The following ADAM10 variants were observed in gnomAD, a reference collection of about 807,000 sequenced individuals.
ADAM10 encodes disintegrin and metalloproteinase domain-containing protein 10.
Under a neutral mutation model 90.1 loss-of-function variants are expected in ADAM10, and 17 were observed. The ratio of observed to expected loss-of-function variants is 0.19; its 90% CI spans 0.13 to 0.28. ADAM10 has a LOEUF of 0.28. ADAM10 is among the 10% of genes least tolerant of loss of function. The probability of loss-of-function intolerance (pLI) is 1.00; values close to 1 mark genes in which losing one functional copy is unlikely to be tolerated. For synonymous variants in ADAM10, 310 were observed against 298.6 expected, an observed-to-expected ratio of 1.04 and a Z score of -0.40; for missense variants, 610 against 914.3, an observed-to-expected ratio of 0.67 and a Z score of 4.29.
chr15:58,623,997 A>AG (rs58870667), intron 10 of ADAM10, among the ~76,000 whole-genome samples: 25,697 of 148,400 alleles, frequency 0.17, 2,978 homozygotes, highest in East Asian at 0.4. Flanking sequence ...AAAAAAAAAA[A>AG]GGGGGGGCCA....
rs114673586 is a variant in ADAM10 at position 58,637,091 on chromosome 15, T to C, written c.1012+3686A>G. 4.0e-3 allele frequency among the ~76,000 whole-genome samples: 610 copies of C among 152,356 alleles called. 4 individuals carry two copies. Among genetic ancestry groups the C allele is most frequent in the African/African-American group, 0.014 (596 of 41,588 alleles). On this transcript the variant is annotated intron_variant, in intron 8 of 15. Coordinates refer to ENST00000260408, the MANE Select transcript of ADAM10 (RefSeq NM_001110.4). ...CATTTGAAGTTATACTTTTAAACTATGGGTTAAGAATTCAATAAGCTGTGG... is the reference window on the plus strand; with the variant it reads ...CATTTGAAGTTATACTTTTAAACTACGGGTTAAGAATTCAATAAGCTGTGG...
chr15:58,673,425 AC>A (rs1897243015), intron 4 of ADAM10, among the ~76,000 whole-genome samples: 1 of 147,970 alleles, frequency 6.8e-6, no homozygotes, highest in African/African-American at 2.5e-5. Flanking sequence ...TTTTTTTGAC[AC>A]TGTAAATGCT....
At chr15:58,746,353 G>T (rs1386783841) in intron 1 of ADAM10, among the ~76,000 whole-genome samples, 10 of 152,254 alleles carry the variant, frequency 6.6e-5, no homozygotes, top group African/African-American at 1.9e-4. Flanking sequence ...CATCCTTGAA[G>T]ATCTTAAACA....
intron 2 of ADAM10, among the ~76,000 whole-genome samples, chr15:58,717,002 CCT>C (rs1332051863): frequency 2.0e-5 from 3 of 152,054 alleles, no homozygotes; most frequent in African/African-American, 7.2e-5. Context: ...AAGCTATTTA[CCT>C]CTGTCTGGAT....
At chr15:58,654,915 G>A (rs892176660) in intron 5 of ADAM10, among the ~76,000 whole-genome samples, 1 of 152,090 alleles carries the variant, frequency 6.6e-6, no homozygotes. Flanking sequence ...CCAAACATAT[G>A]GTCTATTCTT....
intron 5 of ADAM10, among the ~76,000 whole-genome samples, chr15:58,662,159 T>TA (rs1896983186): frequency 6.6e-6 from 1 of 152,218 alleles, no homozygotes; most frequent in South Asian, 2.1e-4. Context: ...TAACTGGACT[T>TA]AGTGTCCTCC....
chr15:58,616,062 T>G (rs1012682220), intron 11 of ADAM10, among the ~76,000 whole-genome samples: 3 of 152,020 alleles, frequency 2.0e-5, no homozygotes, highest in Non-Finnish European at 4.4e-5. Context: ...GATAAAATGT[T>G]CCATTCAGCA....
intron 11 of ADAM10, among the ~76,000 whole-genome samples, 157 bp from the exon 12 acceptor site, chr15:58,612,148 T>G (rs1461172043): frequency 6.6e-6 from 1 of 152,088 alleles, no homozygotes; most frequent in Non-Finnish European, 1.5e-5. Flanking sequence ...GTATACAACT[T>G]CAAAAAACTG....
intron 9 of ADAM10, among the ~76,000 whole-genome samples, chr15:58,629,870 T>C (rs1295629595): frequency 6.6e-6 from 1 of 151,990 alleles, no homozygotes; most frequent in Non-Finnish European, 1.5e-5. Context: ...ACTCAAGTCA[T>C]CCTCCCCGAC....
intron 1 of ADAM10, among the ~76,000 whole-genome samples, chr15:58,737,426 A>T (rs1326568944): frequency 6.6e-6 from 1 of 152,192 alleles, no homozygotes; most frequent in Non-Finnish European, 1.5e-5. Flanking sequence ...GTAAGTACAA[A>T]GAACCTAAAT....
rs1284015356 is a variant in ADAM10, at chr15:58,708,498, CA to C, written c.206+9078del. ...GCAACACAGCAAGAAGCCCTATCTA[CA>C]AAAAAAATTAAAAATTAGCCGAGCA... On this transcript the variant is annotated intron_variant, in intron 2 of 15. Transcript: ENST00000260408. 4.0e-5 allele frequency among the ~76,000 whole-genome samples: 6 copies of C among 151,636 alleles called. No individual in the cohort carries two copies. The East Asian group carries it at 1.2e-3, about 29-fold the overall frequency.
chr15:58,610,136 G>A, intron 14 of ADAM10, 161 bp downstream of exon 14: 2 of 713,704 alleles, frequency 2.8e-6, no homozygotes, highest in South Asian at 1.6e-5. Context: ...CACTTCAGAA[G>A]GAAATAATAA....
chr15:58,670,922 G>GCT (rs1162644139), intron 4 of ADAM10, among the ~76,000 whole-genome samples: 1 of 152,106 alleles, frequency 6.6e-6, no homozygotes, highest in Non-Finnish European at 1.5e-5. Flanking sequence ...TTAGCACCAT[G>GCT]ATCTAACACC....
intron 14 of ADAM10, among the ~76,000 whole-genome samples, chr15:58,604,001 C>G (rs1325560305): frequency 1.3e-5 from 2 of 151,754 alleles, no homozygotes; most frequent in African/African-American, 4.8e-5. Context: ...ATTCATACTT[C>G]TGTGACTTTT....
intron 5 of ADAM10, chr15:58,655,470 C>A (rs1381485210): frequency 2.0e-5 from 3 of 151,546 alleles, no homozygotes; most frequent in Admixed American, 6.6e-5. Context: ...TGAGAACTCA[C>A]TATCACAAAA....
intron 4 of ADAM10, among the ~76,000 whole-genome samples, chr15:58,669,454 A>G (rs1222877057): frequency 6.6e-6 from 1 of 152,222 alleles, no homozygotes; most frequent in East Asian, 1.9e-4. Flanking sequence ...AAAAAATTCT[A>G]GGAGATTACA....
chr15:58,631,277 G>A (rs1486943791), intron 9 of ADAM10, among the ~76,000 whole-genome samples: 1 of 152,134 alleles, frequency 6.6e-6, no homozygotes, highest in East Asian at 1.9e-4. Flanking sequence ...CAAAACAGAT[G>A]AAGACAACCA....
intron 2 of ADAM10, among the ~76,000 whole-genome samples, chr15:58,713,887 A>G (rs1898559250): frequency 1.3e-5 from 2 of 150,340 alleles, no homozygotes. Flanking sequence ...ATCTCGGCTC[A>G]CTGCAACCTC....
chr15:58,627,061 A>G (rs2140665566), intron 10 of ADAM10, among the ~76,000 whole-genome samples: 2 of 152,314 alleles, frequency 1.3e-5, no homozygotes, highest in East Asian at 3.9e-4. Context: ...ATAGGAGAGT[A>G]GATGTACAAA....
Sources: gnomAD v4.1 joint callset for allele counts (sites outside exome capture counted in the v4.1 genomes callset) on GRCh38, gnomAD v4.1.1 for gene constraint, MANE v1.5 for transcripts, NCBI Gene and HGNC (gene_info 2026-07-23, HGNC 2026-07-21) for gene names.